The following POC1B variants were observed in gnomAD, a reference collection of about 807,000 sequenced individuals.
The protein encoded by POC1B is POC1 centriolar protein B.
Under a neutral mutation model 60.6 loss-of-function variants are expected in POC1B, and 44 were observed. The observed-to-expected ratio is 0.73, with a 90% CI of 0.57 to 0.93. The LOEUF is 0.93. Ranked by LOEUF, POC1B falls within the 40% of genes least tolerant of loss-of-function variation. The pLI is 0.00. For synonymous variants in POC1B, 180 were observed against 198.9 expected (o/e 0.90, Z 0.80); for missense variants, 555 against 572.3 (o/e 0.97, Z 0.31).
chr12:89,512,579 C>T (rs1208523807), intron 2 of POC1B, among the ~76,000 whole-genome samples: 1 of 152,018 alleles, frequency 6.6e-6, no homozygotes. Context: ...AGCAATATAG[C>T]GAGGCTCTCT....
intron 4 of POC1B, 103 bp from the exon 5 acceptor site, chr12:89,472,378 G>C: frequency 2.7e-6 from 2 of 731,718 alleles, no homozygotes; most frequent in Non-Finnish European, 4.5e-6. Flanking sequence ...TTAAATACCA[G>C]AGACCACTGT....
chr12:89,524,194 T>G lies in POC1B; in HGVS notation c.100+926A>C, dbSNP rs771726496. 3.1e-6 allele frequency: 5 copies of G among 1,613,998 alleles called. No homozygotes were observed. The East Asian group carries it at 1.1e-4, about 36-fold the overall frequency. The stretch of plus-strand genomic sequence containing the variant: ...CTGGGACTTACACTCATACATTCTT[T>G]TATCCTCTATGTGTCGATGCAGGGA... On this transcript the variant is annotated intron_variant, in intron 2 of 11. Coordinates refer to ENST00000313546, the MANE Select transcript of POC1B (RefSeq NM_172240.3).
At chr12:89,523,526 A>C in intron 2 of POC1B, 1 of 1,607,384 alleles carries the variant, frequency 6.2e-7, no homozygotes, top group Non-Finnish European at 8.5e-7. Flanking sequence ...ACCCTAAAAG[A>C]CAGCTCAAGG....
chr12:89,459,407 TAA>T (rs10535587), intron 10 of POC1B, among the ~76,000 whole-genome samples: 26,146 of 102,404 alleles, frequency 0.26, 2,520 homozygotes, highest in South Asian at 0.4. Flanking sequence ...ACTTAAAGTA[TAA>T]AAAAAAAAAA....
At chr12:89,501,824 A>C (rs1372634048) in intron 2 of POC1B, 3 of 1,200,126 alleles carry the variant, frequency 2.5e-6, no homozygotes, top group Non-Finnish European at 3.7e-6. Context: ...ATTGGGAAAA[A>C]AACTATTCCA....
At chr12:89,490,579 A>G (rs1028228148) in intron 4 of POC1B, among the ~76,000 whole-genome samples, 2 of 152,166 alleles carry the variant, frequency 1.3e-5, no homozygotes, top group Non-Finnish European at 2.9e-5. Context: ...TCCTGACCTC[A>G]AGTGATCCAC....
chr12:89,482,646 G>A (rs958119652), intron 4 of POC1B, among the ~76,000 whole-genome samples: 1 of 152,078 alleles, frequency 6.6e-6, no homozygotes, highest in Non-Finnish European at 1.5e-5. Context: ...CAAACTAAAA[G>A]ACAATAGAAT....
the POC1B span, among the ~76,000 whole-genome samples, chr12:89,405,821 G>A: frequency 2.0e-5 from 3 of 151,976 alleles, no homozygotes; most frequent in Non-Finnish European, 4.4e-5. Context: ...CAGGTGTGGT[G>A]TCACGCATCA....
intron 2 of POC1B, chr12:89,522,883 C>G: frequency 6.2e-7 from 1 of 1,613,178 alleles, no homozygotes; most frequent in Non-Finnish European, 8.5e-7. Context: ...ATCAGGTCGG[C>G]CCTCCGGTGT....
At chr12:89,501,324 A>G (rs1387084924) in intron 2 of POC1B, 3 of 997,474 alleles carry the variant, frequency 3.0e-6, no homozygotes, top group Non-Finnish European at 4.8e-6. Context: ...CCAAGAATGC[A>G]GAAAAATCAT....
At chr12:89,524,460 A>G (rs2135782895) in intron 2 of POC1B, 1 of 1,613,780 alleles carries the variant, frequency 6.2e-7, no homozygotes, top group Non-Finnish European at 8.5e-7. Flanking sequence ...CATGAAAAGT[A>G]GAGACCAAGA....
intron 2 of POC1B, among the ~76,000 whole-genome samples, chr12:89,499,666 GAAAT>G (rs1477494111): frequency 6.6e-6 from 1 of 152,034 alleles, no homozygotes; most frequent in Non-Finnish European, 1.5e-5. Flanking sequence ...ATTATGGAAA[GAAAT>G]AAAAAATAAA....
intron 4 of POC1B, among the ~76,000 whole-genome samples, chr12:89,476,997 T>C (rs1014873795): frequency 3.9e-5 from 6 of 152,130 alleles, no homozygotes; most frequent in Non-Finnish European, 7.3e-5. Context: ...ATAAGACTGC[T>C]CAGTAAATAC....
intron 10 of POC1B, among the ~76,000 whole-genome samples, chr12:89,430,849 C>G (rs150166489): frequency 4.7e-4 from 72 of 152,220 alleles, no homozygotes; most frequent in African/African-American, 1.6e-3. Flanking sequence ...AATGGACTGT[C>G]CTGCATCAGC....
At chr12:89,497,030 T>G (rs1302352164) in intron 3 of POC1B, 141 bp downstream of exon 3, 13 of 838,356 alleles carry the variant, frequency 1.6e-5, no homozygotes, top group Non-Finnish European at 2.4e-5. Context: ...TGAATTAGTT[T>G]GACTTTACCA....
the POC1B span, among the ~76,000 whole-genome samples, chr12:89,410,694 G>A: frequency 0.62 from 91,161 of 147,334 alleles, 28,661 homozygotes; most frequent in Admixed American, 0.68. Context: ...AAAAAAAAAG[G>A]AAAAAGAAAA....
In POC1B at chr12:89,473,825, G is replaced by T. The variant is rs538631222; in HGVS notation, c.453-1550C>A. Reference sequence around the variant, plus strand: ...AATCTGAAGGGCAGTATTATAAAAAGGCTCCAAACAGAGGAAGCTTATTAT... The same window carrying T: ...AATCTGAAGGGCAGTATTATAAAAATGCTCCAAACAGAGGAAGCTTATTAT... On this transcript the variant is annotated intron_variant, in intron 4 of 11. Transcript: ENST00000313546. Among the ~76,000 whole-genome samples the T allele has an allele frequency of 3.1e-3, 476 of 152,034 alleles. 2 individuals are homozygous for T. The highest frequency in any genetic ancestry group is 4.3e-3 in the Non-Finnish European group (289 of 67,990).
At chr12:89,486,791 C>G (rs929781121) in intron 4 of POC1B, among the ~76,000 whole-genome samples, 1 of 152,116 alleles carries the variant, frequency 6.6e-6, no homozygotes, top group African/African-American at 2.4e-5. Flanking sequence ...GAAGATTTCA[C>G]TTTTCAAAAC....
At chr12:89,424,720 A>G (rs1193373062) in intron 11 of POC1B, among the ~76,000 whole-genome samples, 3 of 152,230 alleles carry the variant, frequency 2.0e-5, no homozygotes, top group Non-Finnish European at 2.9e-5. Flanking sequence ...ACTGGCCTCA[A>G]AAAAGTGGAT....
Sources: gnomAD v4.1 joint callset for allele counts (sites outside exome capture counted in the v4.1 genomes callset) on GRCh38, gnomAD v4.1.1 for gene constraint, MANE v1.5 for transcripts, NCBI Gene and HGNC (gene_info 2026-07-23, HGNC 2026-07-21) for gene names.